Variants in FNBP1L observed in about 807,000 individuals in gnomAD.
FNBP1L encodes the protein formin binding protein 1 like.
FNBP1L carries 36 observed loss-of-function variants against 91.2 expected under a neutral mutation model. The observed-to-expected ratio is 0.39, with a 90% CI of 0.30 to 0.52. The LOEUF (loss-of-function observed/expected upper bound fraction) is 0.52, where lower values mean the gene tolerates loss of function less well. Ranked by LOEUF, FNBP1L falls within the 20% of genes least tolerant of loss-of-function variation. The probability of loss-of-function intolerance (pLI) is 0.66; values close to 1 mark genes in which losing one functional copy is unlikely to be tolerated. For synonymous variants in FNBP1L, 242 were observed against 237.0 expected (o/e 1.02, Z -0.19); for missense variants, 571 against 732.1 (o/e 0.78, Z 2.54).
chr1:93,518,068 T>C (rs1329908988), intron 2 of FNBP1L, among the ~76,000 whole-genome samples: 1 of 152,236 alleles, frequency 6.6e-6, no homozygotes, highest in Non-Finnish European at 1.5e-5. Context: ...TGGTAACTCC[T>C]TGTTTCTGTT....
rs768664849 is a variant in FNBP1L at position 93,546,989 on chromosome 1, C to T, written c.1407+15C>T. 25 of 1,602,820 alleles carry T rather than the reference C, an allele frequency of 1.6e-5. No homozygotes were observed. The highest frequency in any genetic ancestry group is 5.4e-5 in the African/African-American group (4 of 74,394). On this transcript the variant is annotated intron_variant, in intron 13 of 16. Coordinates refer to ENST00000271234, the MANE Select transcript of FNBP1L (RefSeq NM_001164473.3). ...ATAAGAATGAGGTAGATTTGTTATT[C>T]AGCACTTGTCAAGATAAATTATTTT...
intron 16 of FNBP1L, chr1:93,552,097 C>T (rs1292861545): frequency 9.0e-7 from 1 of 1,113,548 alleles, no homozygotes; most frequent in Non-Finnish European, 1.1e-6. Context: ...TCCGCTGAAT[C>T]ATTAGTTATT....
At chr1:93,519,834 G>A (rs1430379769) in intron 2 of FNBP1L, among the ~76,000 whole-genome samples, 1 of 152,174 alleles carries the variant, frequency 6.6e-6, no homozygotes, top group Non-Finnish European at 1.5e-5. Context: ...GTGTGTGCCT[G>A]TAGTCCCAAC....
chr1:93,496,430 G>C (rs1670262748), intron 1 of FNBP1L, among the ~76,000 whole-genome samples: 1 of 151,904 alleles, frequency 6.6e-6, no homozygotes, highest in Non-Finnish European at 1.5e-5. Flanking sequence ...TTTTGAGATA[G>C]GGTCTTGCTC....
intron 1 of FNBP1L, among the ~76,000 whole-genome samples, chr1:93,457,779 TTTATTA>T (rs536907562): frequency 3.4e-4 from 51 of 150,242 alleles, no homozygotes; most frequent in African/African-American, 1.0e-3. Flanking sequence ...TTTTATTTCA[TTTATTA>T]TTATTATTAT....
intron 1 of FNBP1L, among the ~76,000 whole-genome samples, chr1:93,493,649 C>T (rs1294067603): frequency 1.3e-5 from 2 of 152,122 alleles, no homozygotes; most frequent in African/African-American, 4.8e-5. Context: ...TTTTACTTAG[C>T]ATGATGTCTT....
intron 1 of FNBP1L, among the ~76,000 whole-genome samples, chr1:93,455,695 G>T (rs1668638302): frequency 6.6e-6 from 1 of 152,204 alleles, no homozygotes; most frequent in East Asian, 1.9e-4. Flanking sequence ...TATGTACTAA[G>T]AGTATTCTAA....
intron 10 of FNBP1L, among the ~76,000 whole-genome samples, chr1:93,540,642 A>C (rs237439): frequency 1.3e-5 from 2 of 151,802 alleles, no homozygotes; most frequent in Admixed American, 1.3e-4. Context: ...AATATTTCAC[A>C]TAAGATTTCT....
chr1:93,509,903 C>G (rs920379095), intron 2 of FNBP1L, among the ~76,000 whole-genome samples: 10 of 152,198 alleles, frequency 6.6e-5, no homozygotes, highest in African/African-American at 2.4e-4. Context: ...GCTTTTCCGA[C>G]AGGCTTAAAA....
chr1:93,492,876 G>A (rs1197332239), intron 1 of FNBP1L, among the ~76,000 whole-genome samples: 1 of 152,046 alleles, frequency 6.6e-6, no homozygotes, highest in African/African-American at 2.4e-5. Flanking sequence ...GAAATGGCCA[G>A]GTTGATGCTT....
intron 1 of FNBP1L, among the ~76,000 whole-genome samples, chr1:93,481,087 G>A (rs1266347722): frequency 6.6e-6 from 1 of 152,142 alleles, no homozygotes; most frequent in African/African-American, 2.4e-5. Context: ...AAATGCTCCA[G>A]CGGAAGAAGC....
In FNBP1L at chr1:93,536,468, C is replaced by T; in HGVS notation, c.1127C>T (p.Ser376Phe). The T allele has an allele frequency of 1.3e-6, 2 of 1,549,598 alleles. No individual in the cohort carries two copies. Among genetic ancestry groups the T allele is most frequent in the Non-Finnish European group, 1.7e-6 (2 of 1,145,916 alleles). ...AAAACAGGGAAGCCCAGAATTCCTT[C>T]TTTCAGAAGCCTCAAAAGAGGGGTA... ...EIKTGKPRIPSFRSLKRGWSV... is the reference protein window; with the variant it reads ...EIKTGKPRIPFFRSLKRGWSV... The change falls in exon 10 of 17, where the codon TCT becomes TTT. Residue 376 changes from serine (S) to phenylalanine (F), a missense_variant. Ser to Phe is a radical substitution (Grantham distance 155, BLOSUM62 -2). Transcript: ENST00000271234.
chr1:93,461,866 TAAG>T (rs1259203780), intron 1 of FNBP1L, among the ~76,000 whole-genome samples: 1 of 152,216 alleles, frequency 6.6e-6, no homozygotes, highest in African/African-American at 2.4e-5. Context: ...TCTGACATTT[TAAG>T]AAGAGATGAC....
chr1:93,492,572 G>T (rs1005733443), intron 1 of FNBP1L, among the ~76,000 whole-genome samples: 6 of 152,224 alleles, frequency 3.9e-5, no homozygotes, highest in Non-Finnish European at 5.9e-5. Flanking sequence ...ATTGGGCTGG[G>T]TGTGGTGGCT....
chr1:93,511,762 C>T (rs937763730), intron 2 of FNBP1L, among the ~76,000 whole-genome samples: 9 of 151,760 alleles, frequency 5.9e-5, no homozygotes, highest in Non-Finnish European at 7.4e-5. Context: ...GTCAGGAGAT[C>T]GAGACCATCC....
intron 5 of FNBP1L, among the ~76,000 whole-genome samples, chr1:93,527,653 A>G (rs536542833): frequency 2.0e-5 from 3 of 152,140 alleles, no homozygotes; most frequent in Non-Finnish European, 4.4e-5. Context: ...CTCCCTGGCC[A>G]TGTCACCCTA....
chr1:93,534,936 A>C, intron 9 of FNBP1L, 28 bp downstream of exon 9: 2 of 1,542,810 alleles, frequency 1.3e-6, no homozygotes, highest in Non-Finnish European at 1.8e-6. Flanking sequence ...CCTATATGCT[A>C]ATCAGTTTAA....
intron 1 of FNBP1L, among the ~76,000 whole-genome samples, chr1:93,490,480 T>C (rs1188882285): frequency 6.6e-6 from 1 of 152,184 alleles, no homozygotes; most frequent in African/African-American, 2.4e-5. Context: ...AAATTAGAGC[T>C]CACCACTGAT....
At chr1:93,507,490 A>G (rs1035563727) in intron 2 of FNBP1L, among the ~76,000 whole-genome samples, 1 of 152,192 alleles carries the variant, frequency 6.6e-6, no homozygotes, top group Non-Finnish European at 1.5e-5. Flanking sequence ...GCTAATAAGC[A>G]TATTGTGTTA....
Sources: allele counts gnomAD v4.1 joint callset (sites outside exome capture counted in the v4.1 genomes callset), GRCh38; gene constraint gnomAD v4.1.1; transcripts MANE v1.5; gene names NCBI Gene and HGNC (gene_info 2026-07-23, HGNC 2026-07-21).